Variants in SLC8A2 observed in about 807,000 individuals in gnomAD.
SLC8A2 encodes sodium/calcium exchanger 2.
Under a neutral mutation model 70.2 loss-of-function variants are expected in SLC8A2, and 14 were observed. The ratio of observed to expected loss-of-function variants is 0.20; its 90% confidence interval spans 0.13 to 0.31. SLC8A2 has a LOEUF of 0.31. Among genes scored for constraint, SLC8A2 ranks in the 10% least tolerant of loss-of-function variants. The probability of loss-of-function intolerance (pLI) is 1.00; values close to 1 mark genes in which losing one functional copy is unlikely to be tolerated. For synonymous variants in SLC8A2, 575 were observed against 594.3 expected (o/e 0.97, Z 0.47); for missense variants, 779 against 1,320.1 (o/e 0.59, Z 6.35).
rs889084542 is a variant in SLC8A2, at chr19:47,455,479, G to A, written c.1340+1451C>T. 2.6e-5 allele frequency among the ~76,000 whole-genome samples: 4 copies of A among 152,122 alleles called. No homozygotes were observed. The South Asian group carries it at 6.2e-4, about 24-fold the overall frequency. On this transcript the variant is annotated intron_variant, in intron 3 of 9. Coordinates refer to ENST00000236877, the MANE Select transcript of SLC8A2 (RefSeq NM_015063.3). ...GGAGAATGTCAGCTCCATTTGGGCC[G>A]GGACTTTATGAGTTTTGTTCACCAC...
chr19:47,449,859 T>G (rs958837003), intron 3 of SLC8A2, among the ~76,000 whole-genome samples: 2 of 151,124 alleles, frequency 1.3e-5, no homozygotes, highest in Admixed American at 1.3e-4. Context: ...GACTTCTGCG[T>G]TTACCCTGAG....
chr19:47,441,345 C>T lies in SLC8A2; in HGVS notation c.1859G>A (p.Gly620Glu), dbSNP rs1171451049. ...ELGQPQWLKR[G>E]ISALLLNQGD... ...CACTGGTCACCCCTCACCTGAAATC[C>T]CTCGCTTAAGCCACTGGGGCTGGCC... The change falls in exon 5 of 10, where the codon GGG (glycine) becomes GAG (glutamate). Residue 620 changes from glycine to glutamate, a missense_variant. Around this residue, in one of 6 missense-constraint regions of SLC8A2, gnomAD observed 247 missense variants for 362.8 expected, o/e 0.68. Transcript: ENST00000236877. 6.2e-7 allele frequency: 1 copy of T among 1,612,472 alleles called. No individual in the cohort carries two copies. The highest frequency in any genetic ancestry group is 1.3e-5 in the African/African-American group (1 of 74,892).
intron 2 of SLC8A2, 111 bp from the exon 3 acceptor site, chr19:47,457,705 C>T (rs2122643264): frequency 1.7e-6 from 1 of 589,674 alleles, no homozygotes; most frequent in East Asian, 3.3e-5. Flanking sequence ...TCCCCAACCC[C>T]CAACCCCGCC....
In SLC8A2 at chr19:47,448,030, G is replaced by A. The variant is rs563849366; in HGVS notation, c.1542C>T (p.Val514=). ...CTGCGTGGTCGTCGTCCAGGATGGT[G>A]ACGGTGGCCAGCAGCGGCGCCACCA... ...GRLVAPLLAT[V]TILDDDHAGI... The change falls in exon 4 of 10, where the codon GTC becomes GTT. Residue 514 remains valine (V), a synonymous_variant. Transcript: ENST00000236877. The surrounding 1 kb of genome is among the most constrained non-coding windows in gnomAD (Gnocchi z 4.8). The A allele has an allele frequency of 6.4e-7, 1 of 1,567,292 alleles. No individual in the cohort carries two copies. Among genetic ancestry groups the A allele is most frequent in the Admixed American group, 1.9e-5 (1 of 52,870 alleles).
At chr19:47,470,760 A>G (rs1247143471) in intron 1 of SLC8A2, among the ~76,000 whole-genome samples, 1 of 152,206 alleles carries the variant, frequency 6.6e-6, no homozygotes, top group Non-Finnish European at 1.5e-5. Flanking sequence ...GTCTGGTCTC[A>G]TCTCTACTAC....
At position 47,458,025 on chromosome 19, in the gene SLC8A2, ATTTT is replaced by A. The variant is rs1366680647; in HGVS notation, c.676-435_676-432del. Among the ~76,000 whole-genome samples, 9 of 150,850 alleles carry A rather than the reference ATTTT, an allele frequency of 6.0e-5. No individual in the cohort carries two copies. In the East Asian group the frequency reaches 1.8e-3, roughly 29 times the overall value. Reference sequence around the variant, plus strand: ...GCCACCATGGCCAGCTAAGTTTTGTATTTTTTTTAGTAGAGACGGGGGTTCACCA... The same window carrying A: ...GCCACCATGGCCAGCTAAGTTTTGTATTTTAGTAGAGACGGGGGTTCACCA... On this transcript the variant is annotated intron_variant, in intron 2 of 9. Coordinates refer to ENST00000236877, the MANE Select transcript of SLC8A2 (RefSeq NM_015063.3).
chr19:47,458,508 TCTC>T lies in SLC8A2; in HGVS notation c.676-917_676-915del, dbSNP rs956558355. On this transcript the variant is annotated intron_variant, in intron 2 of 9. Coordinates refer to ENST00000236877, the MANE Select transcript of SLC8A2 (RefSeq NM_015063.3). ...TTCATCTCTGCCTCTCCCCCACTTC[TCTC>T]CTCCTCATTTCTCTCTCCTTTCCGT... Among the ~76,000 whole-genome samples, 16 of 130,160 alleles carry T rather than the reference TCTC, an allele frequency of 1.2e-4. 1 individual carries two copies. Among genetic ancestry groups the T allele is most frequent in the South Asian group, 2.7e-4 (1 of 3,648 alleles). 85.4% of individuals were successfully genotyped at this position (130,160 alleles called of 152,430 possible).
chr19:47,463,257 C>A (rs566821399), intron 2 of SLC8A2, among the ~76,000 whole-genome samples: 1 of 151,620 alleles, frequency 6.6e-6, no homozygotes, highest in African/African-American at 2.4e-5. Flanking sequence ...CTCAGCCTCC[C>A]GAGTAGCTGG....
At chr19:47,458,942 C>T (rs554248091) in intron 2 of SLC8A2, among the ~76,000 whole-genome samples, 15 of 144,318 alleles carry the variant, frequency 1.0e-4, no homozygotes, top group African/African-American at 3.4e-4. Flanking sequence ...TCTGTCTGTT[C>T]GCCCCCTCTG....
At position 47,448,251 on chromosome 19, in the gene SLC8A2, G is replaced by A; in HGVS notation, c.1341-20C>T. 1.9e-6 allele frequency: 3 copies of A among 1,568,526 alleles called. No individual in the cohort carries two copies. Among genetic ancestry groups the A allele is most frequent in the African/African-American group, 1.3e-5 (1 of 74,310 alleles). Reference sequence around the variant, plus strand: ...CCCTCGCTGCGGCGGGGTGGGGAGGGGGAAGAGCGGGGTGAGGGTCGGTCA... The same window carrying A: ...CCCTCGCTGCGGCGGGGTGGGGAGGAGGAAGAGCGGGGTGAGGGTCGGTCA... On this transcript the variant is annotated intron_variant, in intron 3 of 9. Coordinates refer to ENST00000236877, the MANE Select transcript of SLC8A2 (RefSeq NM_015063.3). This position sits in a 1 kb window ranked among gnomAD's most constrained non-coding sequence, Gnocchi z 4.8.
At chr19:47,459,562 GTGTATA>G (rs1274926037) in intron 2 of SLC8A2, among the ~76,000 whole-genome samples, 3 of 151,708 alleles carry the variant, frequency 2.0e-5, no homozygotes, top group Admixed American at 1.3e-4. Flanking sequence ...GTATGTGCAT[GTGTATA>G]TGTGTATGTG....
intron 8 of SLC8A2, among the ~76,000 whole-genome samples, chr19:47,436,400 T>C (rs979066514): frequency 1.3e-5 from 2 of 152,176 alleles, no homozygotes; most frequent in Non-Finnish European, 2.9e-5. Context: ...ATGTCTCACA[T>C]AGGGTCGGGC....
In SLC8A2 at chr19:47,457,172, G is replaced by T. The variant is rs1371634040; in HGVS notation, c.1098C>A (p.Asn366Lys). 2 of 1,544,324 alleles carry T rather than the reference G, an allele frequency of 1.3e-6. No individual in the cohort carries two copies. Among genetic ancestry groups the T allele is most frequent in the South Asian group, 2.4e-5 (2 of 83,310 alleles). Reference sequence around the variant, plus strand: ...CGTCCGCCGCGTGTCTGCGCAGCACGTTCCCGGCGCCGGTCATCAGCCGCG... The same window carrying T: ...CGTCCGCCGCGTGTCTGCGCAGCACTTTCCCGGCGCCGGTCATCAGCCGCG... Reference protein sequence around the residue: ...QATRLMTGAGNVLRRHAADAS... With the variant: ...QATRLMTGAGKVLRRHAADAS... The change falls in exon 3 of 10, where the codon AAC (asparagine) becomes AAA (lysine). Residue 366 changes from asparagine (N) to lysine (K), a missense_variant. By Grantham distance (94) the Asn-to-Lys change is moderately conservative (BLOSUM62 0). Around this residue, in one of 6 missense-constraint regions of SLC8A2, gnomAD observed 186 missense variants for 246.6 expected, o/e 0.75. Transcript: ENST00000236877.
intron 2 of SLC8A2, among the ~76,000 whole-genome samples, chr19:47,460,131 G>C (rs1967375902): frequency 1.3e-5 from 2 of 152,064 alleles, no homozygotes; most frequent in African/African-American, 4.8e-5. Flanking sequence ...CCCCACCCAT[G>C]ACCCCTACCA....
In SLC8A2 at chr19:47,448,272, G is replaced by C. The variant is rs1967194893; in HGVS notation, c.1341-41C>G. 2 of 1,508,716 alleles carry C rather than the reference G, an allele frequency of 1.3e-6. No homozygotes were observed. The highest frequency in any genetic ancestry group is 1.4e-5 in the African/African-American group (1 of 73,042). The allele number at this position is 1,508,716 out of a possible 1,614,324, so 93.5% of individuals were successfully genotyped here. A position where few individuals can be genotyped will look rare whatever the true frequency, so the allele number is the denominator to read the frequency against. On this transcript the variant is annotated intron_variant, in intron 3 of 9. Transcript: ENST00000236877. This position sits in a 1 kb window ranked among gnomAD's most constrained non-coding sequence, Gnocchi z 4.8. The stretch of plus-strand genomic sequence containing the variant: ...GAGGGGGAAGAGCGGGGTGAGGGTC[G>C]GTCATCGGCTGTGTGTTGTACGGGG...
intron 4 of SLC8A2, among the ~76,000 whole-genome samples, chr19:47,444,769 G>C (rs1967140372): frequency 6.6e-6 from 1 of 152,200 alleles, no homozygotes; most frequent in Non-Finnish European, 1.5e-5. Context: ...AGAGGGACTC[G>C]AGCTAGACCA....
At chr19:47,439,285 T>G (rs1967069348) in intron 6 of SLC8A2, among the ~76,000 whole-genome samples, 1 of 152,128 alleles carries the variant, frequency 6.6e-6, no homozygotes, top group East Asian at 1.9e-4. Context: ...CCCAGCACTT[T>G]AGGAGGCCAA....
chr19:47,449,631 G>A (rs1967211620), intron 3 of SLC8A2, among the ~76,000 whole-genome samples: 1 of 152,144 alleles, frequency 6.6e-6, no homozygotes, highest in South Asian at 2.1e-4. Context: ...GCCAAAAAGA[G>A]TATTTTTGGT....
Position 47,448,299 on chromosome 19 carries a change from G to GA in SLC8A2, c.1341-69dup. Reference sequence around the variant, plus strand: ...TCATCGGCTGTGTGTTGTACGGGGGGAGTCTGGACGTGCTTCCCAGAGGAG... The same window carrying GA: ...TCATCGGCTGTGTGTTGTACGGGGGGAAGTCTGGACGTGCTTCCCAGAGGAG... On this transcript the variant is annotated intron_variant, in intron 3 of 9. Transcript: ENST00000236877. The surrounding 1 kb of genome is among the most constrained non-coding windows in gnomAD (Gnocchi z 4.8). 4.1e-6 allele frequency: 5 copies of GA among 1,227,260 alleles called. No homozygotes were observed. The highest frequency in any genetic ancestry group is 5.7e-6 in the Non-Finnish European group (5 of 875,964). The allele number at this position is 1,227,260 out of a possible 1,614,324, so 76.0% of individuals were successfully genotyped here. A position where few individuals can be genotyped will look rare whatever the true frequency, so the allele number is the denominator to read the frequency against.
Sources: allele counts gnomAD v4.1 joint callset (sites outside exome capture counted in the v4.1 genomes callset), GRCh38; gene constraint gnomAD v4.1.1; regional missense constraint gnomAD v4.1.1; non-coding constraint Gnocchi (gnomAD v3.1); transcripts MANE v1.5; gene names NCBI Gene and HGNC (gene_info 2026-07-23, HGNC 2026-07-21).